The following PJA2 variants were observed in gnomAD, a reference collection of about 807,000 sequenced individuals.
The protein encoded by PJA2 is E3 ubiquitin-protein ligase Praja-2.
A neutral mutation model predicts 69.3 loss-of-function variants in PJA2; 25 were observed. The ratio of observed to expected loss-of-function variants is 0.36; its 90% CI spans 0.26 to 0.50. The LOEUF (loss-of-function observed/expected upper bound fraction) is 0.50. Among genes scored for constraint, PJA2 ranks in the 20% least tolerant of loss-of-function variants. The pLI, the probability that PJA2 is intolerant of heterozygous loss-of-function variation, is 0.96. For missense variants in PJA2, 809 were observed against 830.2 expected (o/e 0.97, Z 0.31); for synonymous variants, 308 against 277.8 (o/e 1.11, Z -1.08).
At chr5:109,345,180 TAAA>T (rs60910860) in intron 7 of PJA2, among the ~76,000 whole-genome samples, 139 of 103,970 alleles carry the variant, frequency 1.3e-3, no homozygotes, top group Non-Finnish European at 1.5e-3. Context: ...CCGTCTCTAG[TAAA>T]AAAAAAAAAA....
intron 7 of PJA2, among the ~76,000 whole-genome samples, chr5:109,353,940 A>T (rs962241789): frequency 2.4e-5 from 3 of 125,394 alleles, no homozygotes; most frequent in Admixed American, 8.1e-5. Context: ...ATCTAGAGAT[A>T]TCTATAGATT....
chr5:109,383,292 A>G (rs1747091365), intron 2 of PJA2, 111 bp downstream of exon 2: 1 of 869,234 alleles, frequency 1.2e-6, no homozygotes, highest in Non-Finnish European at 1.8e-6. Flanking sequence ...GATCAAAACC[A>G]GCCTTTTAGT....
intron 1 of PJA2, among the ~76,000 whole-genome samples, chr5:109,390,953 T>C (rs1018722411): frequency 6.6e-6 from 1 of 152,160 alleles, no homozygotes; most frequent in Non-Finnish European, 1.5e-5. Flanking sequence ...TGTCCTTATA[T>C]CAAAGTGTAA....
rs1761921235 is a variant in PJA2 at position 109,335,370 on chromosome 5, A to C, written c.*1861T>G. 6.6e-6 allele frequency: 1 copy of C among 152,666 alleles called. No individual in the cohort carries two copies. The highest frequency in any genetic ancestry group is 2.4e-5 in the African/African-American group (1 of 41,466). 9.5% of individuals were successfully genotyped at this position (152,666 alleles called of 1,614,324 possible). ...ACATTGCTGGTTGAGTTTGGAACCAAAACCTCTTAACAACTGGCAGATAAT... is the reference window on the plus strand; with the variant it reads ...ACATTGCTGGTTGAGTTTGGAACCACAACCTCTTAACAACTGGCAGATAAT... On this transcript the variant is annotated 3_prime_UTR_variant, in exon 10 of 10. Transcript: ENST00000361189.
At chr5:109,337,813 G>A (rs1176869241) in intron 9 of PJA2, among the ~76,000 whole-genome samples, 3 of 151,926 alleles carry the variant, frequency 2.0e-5, no homozygotes, top group Non-Finnish European at 2.9e-5. Context: ...ATGATTTGGT[G>A]TGAATTAAAG....
In PJA2 at chr5:109,353,549, AT is replaced by A. The variant is rs1561345099; in HGVS notation, c.1764+2365del. 6.6e-3 allele frequency among the ~76,000 whole-genome samples: 533 copies of A among 80,992 alleles called. 17 individuals are homozygous for A. In the African/African-American group the frequency reaches 0.095, roughly 14 times the overall value. 53.1% of individuals were successfully genotyped at this position (80,992 alleles called of 152,430 possible). A position where few individuals can be genotyped will look rare whatever the true frequency, so the allele number is the denominator to read the frequency against. On this transcript the variant is annotated intron_variant, in intron 7 of 9. Transcript: ENST00000361189. Reference sequence around the variant, plus strand: ...GATATCTATAATATCATAGATATCTATATATTAGATATCTATAATATCATAG... The same window carrying A: ...GATATCTATAATATCATAGATATCTAATATTAGATATCTATAATATCATAG...
At chr5:109,344,078 CAAGAGCGAAACTTTGTCTCACCAA>C (rs1489096356) in intron 9 of PJA2, 88 bp downstream of exon 9, 3 of 759,540 alleles carry the variant, frequency 3.9e-6, no homozygotes, top group Non-Finnish European at 5.6e-6. Flanking sequence ...GCCTAGGTGA[CAAGAGCGAAACTTTGTCTCACCAA>C]AAAAAAAAAA....
chr5:109,399,655 G>T (rs1011826445), intron 1 of PJA2, among the ~76,000 whole-genome samples: 6 of 152,040 alleles, frequency 3.9e-5, no homozygotes, highest in African/African-American at 7.2e-5. Context: ...CCAGACATAA[G>T]AATTATTTGC....
chr5:109,356,887 T>C (rs989318625), intron 6 of PJA2, among the ~76,000 whole-genome samples: 1 of 152,164 alleles, frequency 6.6e-6, no homozygotes, highest in African/African-American at 2.4e-5. Flanking sequence ...AAGAAAAACA[T>C]GTCTCACTTT....
chr5:109,404,909 C>G (rs1008435374), intron 1 of PJA2, among the ~76,000 whole-genome samples: 2 of 152,194 alleles, frequency 1.3e-5, no homozygotes, highest in African/African-American at 4.8e-5. Flanking sequence ...TCTGCTTTCA[C>G]CACTGCTATT....
At chr5:109,390,613 T>C (rs1336044740) in intron 1 of PJA2, 1 of 152,074 alleles carries the variant, frequency 6.6e-6, no homozygotes, top group Non-Finnish European at 1.5e-5. Context: ...ATCTACCATC[T>C]TGCTATTATT....
chr5:109,374,017 T>C lies in PJA2; in HGVS notation c.1283+4187A>G, dbSNP rs374643064. ...TACAGGAGCCTAGGAAAAAGTGAAA[T>C]TTTAAATATTTTGTTATCTGACATA... On this transcript the variant is annotated intron_variant, in intron 4 of 9. Transcript: ENST00000361189. Among the ~76,000 whole-genome samples the C allele has an allele frequency of 7.9e-5, 12 of 152,308 alleles. 1 individual carries two copies. The South Asian group carries it at 2.1e-3, about 26-fold the overall frequency.
At chr5:109,409,651 C>A (rs1307333899) in intron 1 of PJA2, among the ~76,000 whole-genome samples, 191 bp downstream of exon 1, 1 of 151,812 alleles carries the variant, frequency 6.6e-6, no homozygotes, top group Non-Finnish European at 1.5e-5. Flanking sequence ...GCCCAGGAGG[C>A]GAAGAAGGCC....
At chr5:109,408,696 A>C (rs1318015608) in intron 1 of PJA2, among the ~76,000 whole-genome samples, 1 of 152,256 alleles carries the variant, frequency 6.6e-6, no homozygotes, top group African/African-American at 2.4e-5. Flanking sequence ...ATATTGTTGA[A>C]GTGTACATCA....
intron 1 of PJA2, among the ~76,000 whole-genome samples, chr5:109,397,885 A>G (rs113106024): frequency 0.015 from 2,247 of 152,222 alleles, 52 homozygotes; most frequent in African/African-American, 0.052. Context: ...CTGCTAGGGT[A>G]TGAGTAAAAG....
rs150735553 is a variant in PJA2 at position 109,404,393 on chromosome 5, C to T, written c.-88+5449G>A. On this transcript the variant is annotated intron_variant, in intron 1 of 9. Transcript: ENST00000361189. ...AAAATTAGCCAGGCATGGTGACATA[C>T]GCCTGTAATCCCAGCTACTCGGGAG... Among the ~76,000 whole-genome samples, 761 of 151,548 alleles carry T rather than the reference C, an allele frequency of 5.0e-3. 9 individuals are homozygous for T. The highest frequency in any genetic ancestry group is 0.016 in the African/African-American group (657 of 41,292).
Position 109,400,545 on chromosome 5 carries a change from T to C in PJA2, c.-88+9297A>G, listed in dbSNP as rs1218999377. 3.3e-5 allele frequency among the ~76,000 whole-genome samples: 5 copies of C among 151,986 alleles called. 1 individual carries two copies. Among genetic ancestry groups the C allele is most frequent in the Non-Finnish European group, 7.4e-5 (5 of 68,022 alleles). On this transcript the variant is annotated intron_variant, in intron 1 of 9. Coordinates refer to ENST00000361189, the MANE Select transcript of PJA2 (RefSeq NM_014819.5). ...TGGAAACATTAGAAGAGAAAGATGC[T>C]GTGAATTTTTCATACATTATTTAAA...
intron 7 of PJA2, among the ~76,000 whole-genome samples, chr5:109,355,226 C>A (rs1762394532): frequency 1.3e-5 from 2 of 152,138 alleles, no homozygotes; most frequent in South Asian, 4.1e-4. Flanking sequence ...TTTGTTCTCT[C>A]ACCTGTGGCT....
intron 9 of PJA2, among the ~76,000 whole-genome samples, chr5:109,337,824 A>ATTTGGTGTGAATTAAAGT (rs1270247785): frequency 2.0e-5 from 3 of 152,012 alleles, no homozygotes; most frequent in Non-Finnish European, 2.9e-5. Flanking sequence ...TGAATTAAAG[A>ATTTGGTGTGAATTAAAGT]AGGTCTACGA....
Sources: allele counts gnomAD v4.1 joint callset (sites outside exome capture counted in the v4.1 genomes callset), GRCh38; gene constraint gnomAD v4.1.1; transcripts MANE v1.5; gene names NCBI Gene and HGNC (gene_info 2026-07-23, HGNC 2026-07-21).